PDE1C: variants seen among roughly 807,000 people sequenced by gnomAD.
The protein encoded by PDE1C is phosphodiesterase 1C.
PDE1C carries 62 observed loss-of-function variants against 93.1 expected under a neutral mutation model. That is an observed-to-expected ratio of 0.67 (90% CI 0.54 to 0.82). PDE1C has a LOEUF of 0.82. Ranked by LOEUF, PDE1C falls within the 40% of genes least tolerant of loss-of-function variation. The probability of loss-of-function intolerance (pLI) is 0.00; values close to 1 mark genes in which losing one functional copy is unlikely to be tolerated. For missense variants in PDE1C, 742 were observed against 884.6 expected (o/e 0.84, Z 2.04); for synonymous variants, 325 against 310.1 (o/e 1.05, Z -0.50).
At chr7:32,327,551 G>A (rs150157091) in intron 1 of PDE1C, among the ~76,000 whole-genome samples, 146 of 152,158 alleles carry the variant, frequency 9.6e-4, no homozygotes, top group African/African-American at 3.3e-3. Flanking sequence ...GGTGGATCAC[G>A]AGATCAGGAG....
chr7:32,140,907 G>A (rs1695904509), intron 3 of PDE1C, among the ~76,000 whole-genome samples: 1 of 152,222 alleles, frequency 6.6e-6, no homozygotes, highest in Admixed American at 6.5e-5. Context: ...TATATGCTAA[G>A]TGGTTCATTC....
the PDE1C span, among the ~76,000 whole-genome samples, chr7:31,719,588 A>G: frequency 6.6e-6 from 1 of 152,298 alleles, no homozygotes; most frequent in African/African-American, 2.4e-5. Flanking sequence ...TTTCCTTGAC[A>G]TAATCCCTCC....
At chr7:32,104,339 T>C (rs1475562041) in intron 3 of PDE1C, among the ~76,000 whole-genome samples, 1 of 152,152 alleles carries the variant, frequency 6.6e-6, no homozygotes, top group African/African-American at 2.4e-5. Flanking sequence ...TAGCTCTCAA[T>C]TATAATACAA....
chr7:32,009,058 G>A (rs1450671869), intron 2 of PDE1C, among the ~76,000 whole-genome samples: 1 of 152,164 alleles, frequency 6.6e-6, no homozygotes, highest in Non-Finnish European at 1.5e-5. Flanking sequence ...AAGAATCAGT[G>A]ACTAGATTTA....
intron 2 of PDE1C, among the ~76,000 whole-genome samples, chr7:31,959,077 A>G (rs1808540590): frequency 6.6e-6 from 1 of 152,170 alleles, no homozygotes; most frequent in Non-Finnish European, 1.5e-5. Flanking sequence ...CATAATCATC[A>G]TCTCCCTCCA....
Position 32,298,723 on chromosome 7 carries a change from C to G in PDE1C, c.13G>C (p.Gly5Arg), listed in dbSNP as rs1273106795. ...TTTTTGAAGCCCTCCTTCCTGTTGCCGGCGTCCGTCATGGCTCGGCCGGCC... is the reference window on the plus strand; with the variant it reads ...TTTTTGAAGCCCTCCTTCCTGTTGCGGGCGTCCGTCATGGCTCGGCCGGCC... The change falls in exon 1 of 19, where the codon GGC (glycine) becomes CGC (arginine). Residue 5 changes from glycine to arginine, a missense_variant. Gly to Arg is a moderately radical substitution (Grantham distance 125). Transcript: ENST00000396193. The G allele has an allele frequency of 2.5e-6, 4 of 1,602,538 alleles. No homozygotes were observed. Among genetic ancestry groups the G allele is most frequent in the Admixed American group, 1.7e-5 (1 of 58,848 alleles).
chr7:31,682,836 T>C, the PDE1C span, among the ~76,000 whole-genome samples: 1 of 152,118 alleles, frequency 6.6e-6, no homozygotes, highest in Non-Finnish European at 1.5e-5. Context: ...CCTGAATGAA[T>C]CTCCACAGAA....
chr7:31,651,853 G>A, the PDE1C span: 1 of 888,020 alleles, frequency 1.1e-6, no homozygotes, highest in Non-Finnish European at 1.8e-6. Flanking sequence ...AATTGCAAAG[G>A]AAGAACCTAT....
the PDE1C span, among the ~76,000 whole-genome samples, chr7:31,624,856 T>G: frequency 6.6e-6 from 1 of 151,710 alleles, no homozygotes; most frequent in Non-Finnish European, 1.5e-5. Flanking sequence ...TGGGAAAAAA[T>G]TTTCGCAACC....
chr7:31,652,673 T>A, the PDE1C span: 2 of 1,613,910 alleles, frequency 1.2e-6, no homozygotes, highest in Non-Finnish European at 1.7e-6. Flanking sequence ...GCCAGGAGGC[T>A]CCCTGTTCAG....
At chr7:32,012,286 A>G (rs931690245) in intron 2 of PDE1C, among the ~76,000 whole-genome samples, 5 of 152,162 alleles carry the variant, frequency 3.3e-5, no homozygotes, top group Admixed American at 3.3e-4. Flanking sequence ...TCATTGTATC[A>G]CGTGGTGGCA....
intron 1 of PDE1C, among the ~76,000 whole-genome samples, chr7:32,234,930 G>T (rs1047451017): frequency 6.6e-6 from 1 of 151,990 alleles, no homozygotes; most frequent in Non-Finnish European, 1.5e-5. Flanking sequence ...TTTATGCTTG[G>T]AATGCAAGGA....
chr7:31,772,537 GTTGT>G (rs1795562031), intron 17 of PDE1C, among the ~76,000 whole-genome samples: 2 of 151,260 alleles, frequency 1.3e-5, no homozygotes, highest in South Asian at 2.1e-4. Flanking sequence ...GGTTCCCAGA[GTTGT>G]TTGTCTCTGG....
the PDE1C span, chr7:31,692,297 G>A: frequency 1.6e-6 from 1 of 636,706 alleles, no homozygotes; most frequent in Non-Finnish European, 2.6e-6. Context: ...AAACAGGATT[G>A]GATTGGGAAC....
intron 1 of PDE1C, among the ~76,000 whole-genome samples, chr7:32,250,655 C>T (rs1562619195): frequency 6.6e-6 from 1 of 152,192 alleles, no homozygotes; most frequent in Non-Finnish European, 1.5e-5. Context: ...GTAGCCACAT[C>T]CTCTTACCAC....
At chr7:32,180,351 A>G (rs1803309392) in intron 2 of PDE1C, among the ~76,000 whole-genome samples, 1 of 152,224 alleles carries the variant, frequency 6.6e-6, no homozygotes, top group Non-Finnish European at 1.5e-5. Flanking sequence ...ATACATTCTA[A>G]ATTCCCAAAG....
chr7:32,018,252 T>C (rs545038396), intron 2 of PDE1C, among the ~76,000 whole-genome samples: 10 of 152,150 alleles, frequency 6.6e-5, no homozygotes, highest in African/African-American at 2.4e-4. Flanking sequence ...GAAAAATGAC[T>C]TGGCAGCACC....
intron 16 of PDE1C, among the ~76,000 whole-genome samples, chr7:31,795,512 C>T (rs1336018410): frequency 6.6e-6 from 1 of 151,772 alleles, no homozygotes; most frequent in African/African-American, 2.4e-5. Flanking sequence ...TACAGTGGTA[C>T]ATTAGTAGTT....
chr7:31,960,428 C>T (rs966659832), intron 2 of PDE1C, among the ~76,000 whole-genome samples: 1 of 152,008 alleles, frequency 6.6e-6, no homozygotes, highest in African/African-American at 2.4e-5. Context: ...TAGTCTTGAC[C>T]CTTCAAATTA....
Sources: gnomAD v4.1 joint callset for allele counts (sites outside exome capture counted in the v4.1 genomes callset) on GRCh38, gnomAD v4.1.1 for gene constraint, MANE v1.5 for transcripts, NCBI Gene and HGNC (gene_info 2026-07-23, HGNC 2026-07-21) for gene names.